The following KCNIP4 variants were observed in gnomAD, a reference collection of about 807,000 sequenced individuals.
The protein encoded by KCNIP4 is Kv channel-interacting protein 4.
A neutral mutation model predicts 34.0 loss-of-function variants in KCNIP4; 12 were observed. That is an observed-to-expected ratio of 0.35 (90% CI 0.23 to 0.57). The LOEUF (loss-of-function observed/expected upper bound fraction) is 0.57. Among genes scored for constraint, KCNIP4 ranks in the 20% least tolerant of loss-of-function variants. The pLI, the probability that KCNIP4 is intolerant of heterozygous loss-of-function variation, is 0.83. For missense variants in KCNIP4, 238 were observed against 311.7 expected, an observed-to-expected ratio of 0.76 and a Z score of 1.78; for synonymous variants, 124 against 102.2, an observed-to-expected ratio of 1.21 and a Z score of -1.29.
At chr4:20,733,480 T>A (rs1748844918) in intron 6 of KCNIP4, among the ~76,000 whole-genome samples, 1 of 152,178 alleles carries the variant, frequency 6.6e-6, no homozygotes, top group South Asian at 2.1e-4. Flanking sequence ...CTCAATTAGG[T>A]TAATACAGAG....
intron 1 of KCNIP4, among the ~76,000 whole-genome samples, chr4:21,170,976 G>A (rs545951911): frequency 7.9e-5 from 12 of 152,196 alleles, no homozygotes; most frequent in African/African-American, 2.9e-4. Flanking sequence ...AAAGAGCTTT[G>A]CCTTAATATG....
intron 1 of KCNIP4, among the ~76,000 whole-genome samples, chr4:21,252,700 C>T (rs1013471362): frequency 1.3e-5 from 2 of 151,524 alleles, no homozygotes; most frequent in African/African-American, 4.8e-5. Context: ...AAAACTCAGT[C>T]CAGGAGGTTG....
chr4:20,734,800 A>G, intron 5 of KCNIP4, 65 bp from the exon 6 acceptor site: 5 of 954,444 alleles, frequency 5.2e-6, no homozygotes, highest in South Asian at 3.2e-5. Context: ...AAAAAAACAA[A>G]TGATGTAAGT....
chr4:21,234,174 A>T (rs1759085173), intron 1 of KCNIP4, among the ~76,000 whole-genome samples: 1 of 116,706 alleles, frequency 8.6e-6, no homozygotes, highest in East Asian at 2.3e-4. Context: ...ATTATATATA[A>T]CATATATAAC....
intron 5 of KCNIP4, among the ~76,000 whole-genome samples, chr4:20,741,723 G>A (rs1332787071): frequency 6.6e-6 from 1 of 152,190 alleles, no homozygotes; most frequent in Non-Finnish European, 1.5e-5. Flanking sequence ...TAAGAGCAGA[G>A]CAGAACTGAA....
rs371047346 is a variant in KCNIP4 at position 21,417,476 on chromosome 4, C to T, written c.61+531095G>A. Reference sequence around the variant, plus strand: ...AGGGTCTCGTGTGTGAATTTCCTCCCGTTTTGTGGCATTAAAAATGAGTTA... The same window carrying T: ...AGGGTCTCGTGTGTGAATTTCCTCCTGTTTTGTGGCATTAAAAATGAGTTA... On this transcript the variant is annotated intron_variant, in intron 1 of 8. Coordinates refer to ENST00000382152, the MANE Select transcript of KCNIP4 (RefSeq NM_025221.6). Among the ~76,000 whole-genome samples, 25 of 152,040 alleles carry T rather than the reference C, an allele frequency of 1.6e-4. No individual in the cohort carries two copies. The East Asian group carries it at 3.5e-3, about 21-fold the overall frequency.
chr4:21,275,374 A>G (rs1320987288), intron 1 of KCNIP4, among the ~76,000 whole-genome samples: 1 of 152,210 alleles, frequency 6.6e-6, no homozygotes, highest in Non-Finnish European at 1.5e-5. Context: ...CTCTAGCCAC[A>G]TGAGATCACA....
intron 1 of KCNIP4, among the ~76,000 whole-genome samples, chr4:20,949,262 A>G (rs1732520587): frequency 1.3e-5 from 2 of 152,352 alleles, no homozygotes; most frequent in South Asian, 2.1e-4. Flanking sequence ...ACTCTTGAAT[A>G]AAATGTATTA....
intron 1 of KCNIP4, among the ~76,000 whole-genome samples, chr4:21,704,167 A>C (rs1049609571): frequency 6.6e-6 from 1 of 152,164 alleles, no homozygotes; most frequent in African/African-American, 2.4e-5. Flanking sequence ...ACCTTGTATA[A>C]ATACTAGCTC....
chr4:21,370,850 TACACACAC>T lies in KCNIP4; in HGVS notation c.62-488149_62-488142del, dbSNP rs376590317. On this transcript the variant is annotated intron_variant, in intron 1 of 8. Transcript: ENST00000382152. Reference sequence around the variant, plus strand: ...ATATATATATATATATATATATATATACACACACACACACACACACACACACACACACG... The same window carrying T: ...ATATATATATATATATATATATATATACACACACACACACACACACACACG... 4.5e-3 allele frequency among the ~76,000 whole-genome samples: 67 copies of T among 14,840 alleles called. 1 individual carries two copies. The highest frequency in any genetic ancestry group is 0.016 in the South Asian group (3 of 186). The allele number at this position is 14,840 out of a possible 152,430, so 9.7% of individuals were successfully genotyped here. A position where few individuals can be genotyped will look rare whatever the true frequency, so the allele number is the denominator to read the frequency against.
chr4:20,730,792 G>GC (rs1340493167), intron 8 of KCNIP4, among the ~76,000 whole-genome samples: 1 of 152,134 alleles, frequency 6.6e-6, no homozygotes, highest in Admixed American at 6.6e-5. Context: ...CAGACTTTGG[G>GC]CATTATTGGA....
At chr4:21,041,065 C>A (rs937283190) in intron 1 of KCNIP4, among the ~76,000 whole-genome samples, 1 of 151,982 alleles carries the variant, frequency 6.6e-6, no homozygotes, top group Non-Finnish European at 1.5e-5. Context: ...ACATCCCTTT[C>A]ACATCTACCC....
intron 3 of KCNIP4, among the ~76,000 whole-genome samples, chr4:20,795,599 T>C (rs1170214660): frequency 6.6e-6 from 1 of 152,194 alleles, no homozygotes; most frequent in Non-Finnish European, 1.5e-5. Flanking sequence ...GATTTCATCT[T>C]GATTCTATCT....
intron 1 of KCNIP4, among the ~76,000 whole-genome samples, chr4:21,072,458 T>C (rs185565653): frequency 6.6e-6 from 1 of 152,150 alleles, no homozygotes; most frequent in Non-Finnish European, 1.5e-5. Context: ...GAAGTGTCTG[T>C]TCATATCCTT....
rs184494908 is a variant in KCNIP4 at position 21,627,177 on chromosome 4, T to C, written c.61+321394A>G. On this transcript the variant is annotated intron_variant, in intron 1 of 8. Coordinates refer to ENST00000382152, the MANE Select transcript of KCNIP4 (RefSeq NM_025221.6). ...AAAATCTCCACCTTGTTGAATAAAC[T>C]TTTCCAATTACTTTGGCACACACAT... Among the ~76,000 whole-genome samples the C allele has an allele frequency of 8.2e-4, 125 of 152,318 alleles. 1 individual carries two copies. The highest frequency in any genetic ancestry group is 3.4e-3 in the Middle Eastern group (1 of 294).
At chr4:21,565,660 G>A (rs550449565) in intron 1 of KCNIP4, among the ~76,000 whole-genome samples, 1 of 152,202 alleles carries the variant, frequency 6.6e-6, no homozygotes, top group East Asian at 1.9e-4. Context: ...ATTCATTACA[G>A]ATTTATAGCT....
At chr4:21,735,536 A>G (rs1715927250) in intron 1 of KCNIP4, among the ~76,000 whole-genome samples, 1 of 152,164 alleles carries the variant, frequency 6.6e-6, no homozygotes, top group African/African-American at 2.4e-5. Context: ...ATGACACCAC[A>G]TTGGCAGCCT....
intron 1 of KCNIP4, among the ~76,000 whole-genome samples, chr4:21,206,840 G>T (rs968096835): frequency 7.9e-5 from 12 of 152,196 alleles, no homozygotes; most frequent in Non-Finnish European, 1.2e-4. Context: ...AGTAAAGGAG[G>T]TGGAGCCAGA....
At chr4:20,790,429 C>T (rs758034381) in intron 3 of KCNIP4, among the ~76,000 whole-genome samples, 3 of 152,094 alleles carry the variant, frequency 2.0e-5, no homozygotes, top group Non-Finnish European at 4.4e-5. Flanking sequence ...TGTGACTTTT[C>T]AAACTTTACA....
Sources: allele counts gnomAD v4.1 joint callset (sites outside exome capture counted in the v4.1 genomes callset), GRCh38; gene constraint gnomAD v4.1.1; transcripts MANE v1.5; gene names NCBI Gene and HGNC (gene_info 2026-07-23, HGNC 2026-07-21).